Variants in CDC42BPA observed in about 807,000 individuals in gnomAD.
The protein encoded by CDC42BPA is CDC42 binding protein kinase alpha, also known as serine/threonine-protein kinase MRCK alpha.
CDC42BPA carries 80 observed loss-of-function variants against 223.5 expected under a neutral mutation model. That is an observed-to-expected ratio of 0.36 (90% CI 0.30 to 0.43). The LOEUF is 0.43. Ranked by LOEUF, CDC42BPA falls within the 20% of genes least tolerant of loss-of-function variation. The pLI is 1.00. For missense variants in CDC42BPA, 1,743 were observed against 2,099.9 expected, an observed-to-expected ratio of 0.83 and a Z score of 3.32; for synonymous variants, 694 against 718.6, an observed-to-expected ratio of 0.97 and a Z score of 0.55.
At chr1:227,239,926 A>G (rs1679740759) in intron 2 of CDC42BPA, among the ~76,000 whole-genome samples, 1 of 152,130 alleles carries the variant, frequency 6.6e-6, no homozygotes, top group South Asian at 2.1e-4. Flanking sequence ...CTAGTGCAGT[A>G]AGTCAAGACA....
intron 1 of CDC42BPA, among the ~76,000 whole-genome samples, chr1:227,254,955 G>T (rs1049325956): frequency 5.3e-5 from 8 of 152,156 alleles, no homozygotes; most frequent in African/African-American, 1.9e-4. Context: ...TGAATTTGGG[G>T]TGTTAATGGT....
chr1:227,076,573 C>T (rs1322561309), intron 17 of CDC42BPA, among the ~76,000 whole-genome samples: 1 of 152,148 alleles, frequency 6.6e-6, no homozygotes, highest in African/African-American at 2.4e-5. Context: ...CTATCTCTTG[C>T]TCCTTGCTTG....
chr1:227,163,322 C>T (rs982877798), intron 5 of CDC42BPA, among the ~76,000 whole-genome samples: 7 of 151,922 alleles, frequency 4.6e-5, no homozygotes, highest in South Asian at 4.2e-4. Flanking sequence ...CTCCTGATAA[C>T]GGAATTTTGA....
chr1:227,042,308 A>ATATATATATATATATATG (rs1671538046), intron 23 of CDC42BPA, among the ~76,000 whole-genome samples: 1 of 151,540 alleles, frequency 6.6e-6, no homozygotes. Flanking sequence ...ATATATATAT[A>ATATATATATATATATATG]TATATATCAT....
intron 1 of CDC42BPA, among the ~76,000 whole-genome samples, chr1:227,288,790 T>G (rs756907447): frequency 4.0e-5 from 6 of 150,262 alleles, no homozygotes; most frequent in Non-Finnish European, 7.4e-5. Flanking sequence ...AGGTCAGGAG[T>G]TCGAGACCAG....
chr1:227,246,337 G>A (rs1042952597), intron 2 of CDC42BPA, among the ~76,000 whole-genome samples: 13 of 152,102 alleles, frequency 8.5e-5, no homozygotes, highest in African/African-American at 1.7e-4. Context: ...AACTAGAATC[G>A]CAGGCTACCA....
intron 6 of CDC42BPA, among the ~76,000 whole-genome samples, chr1:227,155,024 T>C (rs995065386): frequency 1.3e-5 from 2 of 152,070 alleles, no homozygotes; most frequent in Admixed American, 6.6e-5. Flanking sequence ...GCTGGTATGG[T>C]TTTGACCGAG....
intron 24 of CDC42BPA, among the ~76,000 whole-genome samples, chr1:227,035,897 T>C (rs1333050876): frequency 6.6e-6 from 1 of 152,170 alleles, no homozygotes; most frequent in Non-Finnish European, 1.5e-5. Flanking sequence ...ATAAAATGAT[T>C]GATTTAGATT....
intron 2 of CDC42BPA, among the ~76,000 whole-genome samples, chr1:227,216,515 T>C (rs1006061162): frequency 6.6e-6 from 1 of 152,226 alleles, no homozygotes; most frequent in African/African-American, 2.4e-5. Flanking sequence ...GAAATATTCT[T>C]GAATTATTGA....
chr1:227,006,372 A>G (rs1010257005), intron 34 of CDC42BPA, among the ~76,000 whole-genome samples: 4 of 152,072 alleles, frequency 2.6e-5, no homozygotes, highest in Non-Finnish European at 4.4e-5. Context: ...CAGGCTATGG[A>G]GGGATTTGGC....
intron 24 of CDC42BPA, among the ~76,000 whole-genome samples, 182 bp from the exon 25 acceptor site, chr1:227,035,789 C>A (rs1015507687): frequency 6.6e-6 from 1 of 152,072 alleles, no homozygotes; most frequent in Non-Finnish European, 1.5e-5. Flanking sequence ...TTTAATGAGA[C>A]ATAGTAAATA....
chr1:227,191,643 A>G (rs183974533), intron 5 of CDC42BPA, among the ~76,000 whole-genome samples: 45 of 152,284 alleles, frequency 3.0e-4, no homozygotes, highest in African/African-American at 1.1e-3. Flanking sequence ...AAATCTCTCA[A>G]TTCCACAAGC....
rs1171952779 is a variant in CDC42BPA at position 227,045,257 on chromosome 1, G to C, written c.3093+2670C>G. 4.6e-5 allele frequency among the ~76,000 whole-genome samples: 7 copies of C among 152,310 alleles called. No homozygotes were observed. In the East Asian group the frequency reaches 9.6e-4, roughly 21 times the overall value. On this transcript the variant is annotated intron_variant, in intron 23 of 36. Coordinates refer to ENST00000366766, the MANE Select transcript of CDC42BPA (RefSeq NM_001394014.1). ...CCCCCTGCAACTCGATGGGACATTT[G>C]ACAGGGAATCAAAAATTCTAGCTTG... is the stretch of plus-strand genomic sequence containing the variant.
rs189373339 is a variant in CDC42BPA, at chr1:227,183,965, C to G, written c.599+9821G>C. ...AATTCAATATCAGTATATTGAACAT[C>G]TTTTCATGTGCTTACTTGCCATCTC... On this transcript the variant is annotated intron_variant, in intron 5 of 36. Transcript: ENST00000366766. Among the ~76,000 whole-genome samples, 855 of 152,278 alleles carry G rather than the reference C, an allele frequency of 5.6e-3. 1 individual carries two copies. The highest frequency in any genetic ancestry group is 9.0e-3 in the Non-Finnish European group (611 of 68,012).
chr1:227,273,013 T>C (rs1218894958), intron 1 of CDC42BPA, among the ~76,000 whole-genome samples: 1 of 152,058 alleles, frequency 6.6e-6, no homozygotes, highest in Admixed American at 6.6e-5. Flanking sequence ...CAAAGAGGGG[T>C]TGGGCACGGT....
chr1:227,218,198 T>C (rs544706971), intron 2 of CDC42BPA, among the ~76,000 whole-genome samples: 3 of 152,294 alleles, frequency 2.0e-5, no homozygotes, highest in African/African-American at 7.2e-5. Context: ...TAAGGTATTA[T>C]GACAAAAGAG....
intron 6 of CDC42BPA, among the ~76,000 whole-genome samples, chr1:227,155,086 A>G (rs2149755781): frequency 6.6e-6 from 1 of 152,318 alleles, no homozygotes; most frequent in African/African-American, 2.4e-5. Context: ...CAAACTTGGG[A>G]AAAGCTCGTA....
At chr1:227,197,834 G>C (rs1032313754) in intron 4 of CDC42BPA, among the ~76,000 whole-genome samples, 2 of 152,082 alleles carry the variant, frequency 1.3e-5, no homozygotes, top group Non-Finnish European at 2.9e-5. Flanking sequence ...TGTGGGATGT[G>C]TTTTAATTTG....
rs1416149277 is a variant in CDC42BPA, at chr1:227,008,091, TACA to T, written c.4858-2983_4858-2981del. Among the ~76,000 whole-genome samples the T allele has an allele frequency of 1.1e-4, 17 of 152,292 alleles. 1 individual carries two copies. The East Asian group carries it at 2.9e-3, about 26-fold the overall frequency. ...TATAATTTCTTATACTGACTGTTATTACAACAACACTAAACTCTCCAGCACCTA... is the reference window on the plus strand; with the variant it reads ...TATAATTTCTTATACTGACTGTTATTACAACACTAAACTCTCCAGCACCTA... On this transcript the variant is annotated intron_variant, in intron 34 of 36. Transcript: ENST00000366766.
Sources: allele counts gnomAD v4.1 joint callset (sites outside exome capture counted in the v4.1 genomes callset), GRCh38; gene constraint gnomAD v4.1.1; transcripts MANE v1.5; gene names NCBI Gene and HGNC (gene_info 2026-07-23, HGNC 2026-07-21).